KIAA1328: variants seen among roughly 807,000 people sequenced by gnomAD.
KIAA1328 encodes KIAA1328.
A neutral mutation model predicts 68.1 loss-of-function variants in KIAA1328; 52 were observed. The ratio of observed to expected loss-of-function variants is 0.76; its 90% CI spans 0.61 to 0.96. The LOEUF is 0.96. Ranked by LOEUF, KIAA1328 falls within the 40% of genes least tolerant of loss-of-function variation. The pLI is 0.00. For missense variants in KIAA1328, 641 were observed against 677.6 expected (o/e 0.95, Z 0.60); for synonymous variants, 232 against 239.4 (o/e 0.97, Z 0.28).
chr18:37,074,873 T>A (rs925476282), intron 7 of KIAA1328: 1 of 152,234 alleles, frequency 6.6e-6, no homozygotes, highest in Non-Finnish European at 1.5e-5. Flanking sequence ...GCTCTGCTTT[T>A]TAGAGTTTCC....
intron 6 of KIAA1328, among the ~76,000 whole-genome samples, chr18:37,014,793 A>G (rs890656745): frequency 5.9e-5 from 9 of 152,228 alleles, no homozygotes; most frequent in South Asian, 2.1e-4. Context: ...TTACAATTCA[A>G]TGTGAGATTT....
chr18:36,862,508 T>A (rs879073774), intron 4 of KIAA1328, among the ~76,000 whole-genome samples: 1 of 152,298 alleles, frequency 6.6e-6, no homozygotes, highest in Middle Eastern at 3.4e-3. Flanking sequence ...TCTCTTTAGG[T>A]CCATTCATGT....
chr18:37,032,298 A>T (rs1161594835), intron 6 of KIAA1328, among the ~76,000 whole-genome samples: 2 of 152,236 alleles, frequency 1.3e-5, no homozygotes, highest in African/African-American at 4.8e-5. Context: ...TTATTGTCAC[A>T]TAATTTACTT....
intron 5 of KIAA1328, among the ~76,000 whole-genome samples, chr18:36,904,607 G>A (rs2049152616): frequency 6.6e-6 from 1 of 151,950 alleles, no homozygotes; most frequent in Non-Finnish European, 1.5e-5. Context: ...AACTAATTGT[G>A]CCTTTGTATT....
chr18:36,967,723 G>C (rs919869760), intron 6 of KIAA1328, among the ~76,000 whole-genome samples: 2 of 152,098 alleles, frequency 1.3e-5, no homozygotes, highest in African/African-American at 4.8e-5. Flanking sequence ...GGGCTGAAAG[G>C]GGAGGAAGCT....
At chr18:37,228,092 A>G (rs1321617267), downstream of KIAA1328, among the ~76,000 whole-genome samples, 1 of 152,238 alleles carries the variant, frequency 6.6e-6, no homozygotes, top group Non-Finnish European at 1.5e-5. Context: ...CAAGAGAACT[A>G]GAATTAGAAG....
intron 5 of KIAA1328, among the ~76,000 whole-genome samples, chr18:36,928,210 A>G (rs935978995): frequency 1.3e-5 from 2 of 152,102 alleles, no homozygotes; most frequent in African/African-American, 4.8e-5. Context: ...AGTGCTGGCA[A>G]TATATTAATT....
chr18:37,151,651 G>A (rs1252517198), intron 7 of KIAA1328, among the ~76,000 whole-genome samples: 30 of 152,002 alleles, frequency 2.0e-4, no homozygotes, highest in Admixed American at 1.5e-3. Flanking sequence ...GTTTTTTGAC[G>A]GTGGTGCCAA....
chr18:36,968,133 A>G (rs1468432742), intron 6 of KIAA1328, among the ~76,000 whole-genome samples: 2 of 152,172 alleles, frequency 1.3e-5, no homozygotes. Flanking sequence ...AGCACTAAAT[A>G]TGGAAAGGAA....
chr18:37,046,584 C>A (rs1455772094), intron 6 of KIAA1328, among the ~76,000 whole-genome samples: 2 of 152,032 alleles, frequency 1.3e-5, no homozygotes, highest in African/African-American at 2.4e-5. Flanking sequence ...TTTTTGCTTA[C>A]CTTCTATCTG....
intron 4 of KIAA1328, among the ~76,000 whole-genome samples, chr18:36,867,191 T>C (rs1330147675): frequency 6.6e-6 from 1 of 152,176 alleles, no homozygotes; most frequent in Non-Finnish European, 1.5e-5. Context: ...TTTGTGCTAT[T>C]CTTGTGATAG....
chr18:36,893,148 A>G (rs763512673), intron 5 of KIAA1328, among the ~76,000 whole-genome samples: 20 of 152,182 alleles, frequency 1.3e-4, no homozygotes, highest in Admixed American at 6.5e-5. Flanking sequence ...ATAATGAGTT[A>G]TATTTACACT....
intron 7 of KIAA1328, among the ~76,000 whole-genome samples, chr18:37,148,430 G>A (rs920914759): frequency 6.6e-6 from 1 of 152,130 alleles, no homozygotes; most frequent in South Asian, 2.1e-4. Context: ...TAGTGCCTCA[G>A]TGAACATATG....
intron 5 of KIAA1328, among the ~76,000 whole-genome samples, chr18:36,905,177 T>A (rs890417541): frequency 1.3e-5 from 2 of 151,924 alleles, no homozygotes; most frequent in South Asian, 2.1e-4. Flanking sequence ...AGTGGCATGA[T>A]CTTGGCTCAC....
chr18:36,950,905 T>G (rs1415904065), intron 5 of KIAA1328, among the ~76,000 whole-genome samples: 2 of 152,190 alleles, frequency 1.3e-5, no homozygotes, highest in East Asian at 3.9e-4. Context: ...AGCCTAACTG[T>G]TCATCTACCA....
chr18:37,056,345 C>G (rs1400026861), intron 6 of KIAA1328, among the ~76,000 whole-genome samples: 2 of 151,852 alleles, frequency 1.3e-5, no homozygotes, highest in Non-Finnish European at 2.9e-5. Context: ...AAATATTTTT[C>G]TAACTCAGAA....
At chr18:36,973,972 T>C (rs2052358620) in intron 6 of KIAA1328, among the ~76,000 whole-genome samples, 1 of 152,170 alleles carries the variant, frequency 6.6e-6, no homozygotes, top group African/African-American at 2.4e-5. Context: ...TGAAAAGTAT[T>C]TAAACTGATA....
chr18:37,000,610 C>T (rs1385057418), intron 6 of KIAA1328, among the ~76,000 whole-genome samples: 1 of 150,216 alleles, frequency 6.7e-6, no homozygotes, highest in Non-Finnish European at 1.5e-5. Context: ...AAAAAAAACT[C>T]AAAAAAATTT....
At chr18:36,978,454 G>A (rs903226170) in intron 6 of KIAA1328, among the ~76,000 whole-genome samples, 6 of 152,222 alleles carry the variant, frequency 3.9e-5, no homozygotes, top group African/African-American at 1.4e-4. Flanking sequence ...TATTGCCAGC[G>A]AAGGGCCAAC....
Sources: gnomAD v4.1 joint callset for allele counts (sites outside exome capture counted in the v4.1 genomes callset) on GRCh38, gnomAD v4.1.1 for gene constraint, MANE v1.5 for transcripts, NCBI Gene and HGNC (gene_info 2026-07-23, HGNC 2026-07-21) for gene names.